The following SGCZ variants were observed in gnomAD, a reference collection of about 807,000 sequenced individuals.
SGCZ encodes zeta-sarcoglycan.
A neutral mutation model predicts 41.3 loss-of-function variants in SGCZ; 40 were observed. That is an observed-to-expected ratio of 0.97 (90% CI 0.75 to 1.26). The LOEUF (loss-of-function observed/expected upper bound fraction) is 1.26. Ranked by LOEUF, SGCZ falls within the 50% of genes most tolerant of loss-of-function variation. The probability of loss-of-function intolerance (pLI) is 0.00; values close to 1 mark genes in which losing one functional copy is unlikely to be tolerated. For synonymous variants in SGCZ, 206 were observed against 137.5 expected, an observed-to-expected ratio of 1.50 and a Z score of -3.49; for missense variants, 552 against 369.8, an observed-to-expected ratio of 1.49 and a Z score of -4.04.
chr8:15,200,769 T>C (rs1158993751), intron 1 of SGCZ, among the ~76,000 whole-genome samples: 4 of 152,098 alleles, frequency 2.6e-5, no homozygotes, highest in African/African-American at 9.7e-5. Context: ...ATGAGGAAAA[T>C]TAACAAGCTA....
intron 1 of SGCZ, among the ~76,000 whole-genome samples, chr8:14,917,149 C>T (rs1799461001): frequency 6.6e-6 from 1 of 152,016 alleles, no homozygotes. Context: ...GGTAAATTCC[C>T]CAGGGCCTGA....
chr8:14,787,027 A>T (rs1324958499), intron 1 of SGCZ, among the ~76,000 whole-genome samples: 1 of 152,090 alleles, frequency 6.6e-6, no homozygotes, highest in Non-Finnish European at 1.5e-5. Flanking sequence ...CTCACTGTGA[A>T]TCAGGAGCAG....
Position 14,087,572 on chromosome 8 carries a change from C to T in SGCZ, c.*2871G>A, listed in dbSNP as rs1801557971. On this transcript the variant is annotated 3_prime_UTR_variant, in exon 8 of 8. Transcript: ENST00000382080. ...CATCCATGTAGTACACTATAAAGGA[C>T]TCATTTTTCTCAGTGTCATTTGGGG... 6.6e-6 allele frequency among the ~76,000 whole-genome samples: 1 copy of T among 151,494 alleles called. No individual in the cohort carries two copies. The highest frequency in any genetic ancestry group is 2.4e-5 in the African/African-American group (1 of 41,316).
intron 1 of SGCZ, among the ~76,000 whole-genome samples, chr8:14,606,188 T>C (rs1191752403): frequency 6.6e-6 from 1 of 152,146 alleles, no homozygotes; most frequent in Non-Finnish European, 1.5e-5. Flanking sequence ...CTCCCTCTTG[T>C]ACATATTGCC....
intron 1 of SGCZ, among the ~76,000 whole-genome samples, chr8:14,704,101 G>A (rs138476000): frequency 1.6e-3 from 246 of 152,040 alleles, no homozygotes; most frequent in Middle Eastern, 3.4e-3. Context: ...TGTCCGTTAC[G>A]ACACTAAAAT....
chr8:14,504,507 T>C (rs977371523), intron 2 of SGCZ, among the ~76,000 whole-genome samples: 1 of 152,210 alleles, frequency 6.6e-6, no homozygotes, highest in African/African-American at 2.4e-5. Flanking sequence ...TATTTATTTA[T>C]ATTTGTCATA....
At chr8:14,491,738 C>A (rs1002097119) in intron 2 of SGCZ, among the ~76,000 whole-genome samples, 10 of 152,264 alleles carry the variant, frequency 6.6e-5, no homozygotes, top group African/African-American at 2.4e-4. Flanking sequence ...CTCCACTGCA[C>A]ATGTAGGCTA....
intron 1 of SGCZ, among the ~76,000 whole-genome samples, chr8:14,968,041 A>T (rs1453212358): frequency 1.3e-5 from 2 of 152,318 alleles, no homozygotes; most frequent in African/African-American, 4.8e-5. Context: ...ACTAGAATTT[A>T]TTGAGCCCAA....
At chr8:15,077,179 G>C (rs1345896137) in intron 1 of SGCZ, among the ~76,000 whole-genome samples, 1 of 152,048 alleles carries the variant, frequency 6.6e-6, no homozygotes, top group Non-Finnish European at 1.5e-5. Flanking sequence ...AGATATACTT[G>C]ACCAAACTCG....
chr8:14,385,862 T>C (rs1370478168), intron 2 of SGCZ, among the ~76,000 whole-genome samples: 1 of 152,130 alleles, frequency 6.6e-6, no homozygotes, highest in Non-Finnish European at 1.5e-5. Flanking sequence ...CTCCAGAATA[T>C]CAAAATTCAC....
At chr8:14,877,159 A>C (rs1261165802) in intron 1 of SGCZ, among the ~76,000 whole-genome samples, 1 of 151,992 alleles carries the variant, frequency 6.6e-6, no homozygotes, top group African/African-American at 2.4e-5. Context: ...ATTTTAGTAG[A>C]GACAGGGCTT....
At chr8:14,763,632 T>C (rs1011050441) in intron 1 of SGCZ, among the ~76,000 whole-genome samples, 2 of 152,308 alleles carry the variant, frequency 1.3e-5, no homozygotes, top group East Asian at 3.9e-4. Context: ...CATGTAAGTC[T>C]ACAAAACATT....
chr8:14,477,236 C>T (rs941371781), intron 2 of SGCZ, among the ~76,000 whole-genome samples: 2 of 152,000 alleles, frequency 1.3e-5, no homozygotes, highest in East Asian at 1.9e-4. Context: ...GGCCTACTAC[C>T]GTTGTATTAA....
chr8:15,002,840 A>T (rs1056053355), intron 1 of SGCZ, among the ~76,000 whole-genome samples: 2 of 152,098 alleles, frequency 1.3e-5, no homozygotes, highest in African/African-American at 4.8e-5. Context: ...TCTCATCTTG[A>T]ATTACAGATC....
At chr8:14,217,000 T>C (rs1304128912) in intron 4 of SGCZ, among the ~76,000 whole-genome samples, 1 of 152,110 alleles carries the variant, frequency 6.6e-6, no homozygotes, top group Non-Finnish European at 1.5e-5. Flanking sequence ...TATAAAGCTC[T>C]ATAGAGGATG....
chr8:14,891,071 G>A (rs1209242787), intron 1 of SGCZ, among the ~76,000 whole-genome samples: 1 of 152,148 alleles, frequency 6.6e-6, no homozygotes, highest in Non-Finnish European at 1.5e-5. Flanking sequence ...CAAAAGGCCT[G>A]GAGATACACA....
intron 2 of SGCZ, among the ~76,000 whole-genome samples, chr8:14,426,890 T>G (rs2117323049): frequency 6.6e-6 from 1 of 152,292 alleles, no homozygotes; most frequent in Admixed American, 6.5e-5. Context: ...AAATAAAGTT[T>G]TCAGTTGTCT....
chr8:14,342,939 T>A (rs1391585656), intron 2 of SGCZ, among the ~76,000 whole-genome samples: 3 of 151,840 alleles, frequency 2.0e-5, no homozygotes, highest in Non-Finnish European at 2.9e-5. Context: ...GGGCCCAGGG[T>A]CCCTGGGCTG....
chr8:14,447,983 T>C (rs1467412417), intron 2 of SGCZ, among the ~76,000 whole-genome samples: 27 of 152,154 alleles, frequency 1.8e-4, no homozygotes, highest in Admixed American at 1.5e-3. Context: ...GAAATGTACA[T>C]AGTGGTGAAT....
Sources: allele counts gnomAD v4.1 joint callset (sites outside exome capture counted in the v4.1 genomes callset), GRCh38; gene constraint gnomAD v4.1.1; transcripts MANE v1.5; gene names NCBI Gene and HGNC (gene_info 2026-07-23, HGNC 2026-07-21).